Variants in TMEM131 observed in about 807,000 individuals in gnomAD.
The protein encoded by TMEM131 is 2610524E03Rik.
TMEM131 carries 66 observed loss-of-function variants against 211.6 expected under a neutral mutation model. The observed-to-expected ratio is 0.31, with a 90% CI of 0.26 to 0.38. The LOEUF is 0.38. Ranked by LOEUF, TMEM131 falls within the 10% of genes least tolerant of loss-of-function variation. The pLI, the probability that TMEM131 is intolerant of heterozygous loss-of-function variation, is 1.00. For missense variants in TMEM131, 2,036 were observed against 2,299.3 expected, an observed-to-expected ratio of 0.89 and a Z score of 2.34; for synonymous variants, 844 against 841.3, an observed-to-expected ratio of 1.00 and a Z score of -0.06.
chr2:97,823,994 G>C (rs2105018882), intron 11 of TMEM131, among the ~76,000 whole-genome samples: 1 of 152,278 alleles, frequency 6.6e-6, no homozygotes, highest in Non-Finnish European at 1.5e-5. Flanking sequence ...GGCCCAAAAG[G>C]AAAAGCGAGA....
At chr2:97,798,145 T>G (rs1230031415) in intron 25 of TMEM131, among the ~76,000 whole-genome samples, 1 of 152,270 alleles carries the variant, frequency 6.6e-6, no homozygotes, top group East Asian at 1.9e-4. Flanking sequence ...AAACACCCAA[T>G]GATTTAAAGT....
chr2:97,966,621 G>C (rs1239407472), intron 1 of TMEM131, among the ~76,000 whole-genome samples: 1 of 152,068 alleles, frequency 6.6e-6, no homozygotes, highest in Non-Finnish European at 1.5e-5. Flanking sequence ...ACTGAAAATA[G>C]CTTCAAGTTG....
intron 4 of TMEM131, among the ~76,000 whole-genome samples, chr2:97,873,736 C>T (rs1573491196): frequency 1.3e-5 from 2 of 152,248 alleles, no homozygotes; most frequent in Admixed American, 1.3e-4. Context: ...ACATCAAAGA[C>T]CAAAGGTAGA....
chr2:97,809,772 G>A lies in TMEM131; in HGVS notation c.1971C>T (p.Ile657=), dbSNP rs370324137. ...GAIQITTDYE[I]LTIPVKAVIA... ...TCACAGCCTTCACAGGGATTGTCAG[G>A]ATCTGTGAAGTCAAGAAGATGATGA... is the stretch of plus-strand genomic sequence containing the variant. Residue 657 remains isoleucine (I), a splice_region_variant and synonymous_variant, in exon 19 of 41, where the codon ATC becomes ATT. Transcript: ENST00000186436. The A allele has an allele frequency of 3.1e-5, 50 of 1,597,988 alleles. No homozygotes were observed. The African/African-American group carries it at 5.8e-4, about 18-fold the overall frequency.
In TMEM131 at chr2:97,832,242, G is replaced by C. The variant is rs148006714; in HGVS notation, c.1074+1123C>G. Among the ~76,000 whole-genome samples the C allele has an allele frequency of 1.9e-4, 29 of 152,250 alleles. 1 individual carries two copies. The highest frequency in any genetic ancestry group is 1.7e-3 in the East Asian group (9 of 5,188). Reference sequence around the variant, plus strand: ...CATGTCATAAGTGACCTGAGTACTAGTTCTTCATTCACATTCTTAGGGTTA... The same window carrying C: ...CATGTCATAAGTGACCTGAGTACTACTTCTTCATTCACATTCTTAGGGTTA... On this transcript the variant is annotated intron_variant, in intron 11 of 40. Coordinates refer to ENST00000186436, the MANE Select transcript of TMEM131 (RefSeq NM_015348.2).
At chr2:97,885,154 G>A (rs1016932504) in intron 4 of TMEM131, among the ~76,000 whole-genome samples, 1 of 152,128 alleles carries the variant, frequency 6.6e-6, no homozygotes, top group Non-Finnish European at 1.5e-5. Context: ...TTTCTTGTAA[G>A]GCCAGTCTAG....
intron 5 of TMEM131, among the ~76,000 whole-genome samples, chr2:97,854,486 A>T (rs1673759940): frequency 1.3e-5 from 2 of 152,150 alleles, no homozygotes; most frequent in Admixed American, 6.5e-5. Context: ...GGTCAGAGTA[A>T]TCATCTAATC....
intron 35 of TMEM131, chr2:97,762,660 G>A (rs1678916419): frequency 6.1e-6 from 1 of 162,958 alleles, no homozygotes; most frequent in Admixed American, 5.8e-5. Context: ...TCCCTATTAA[G>A]CTCCTAGTAT....
At chr2:97,855,130 A>C (rs1673784498) in intron 5 of TMEM131, among the ~76,000 whole-genome samples, 1 of 152,214 alleles carries the variant, frequency 6.6e-6, no homozygotes, top group Non-Finnish European at 1.5e-5. Flanking sequence ...CACTTCATAA[A>C]TATTTGTTAA....
At chr2:97,836,725 T>G (rs1030389938) in intron 8 of TMEM131, among the ~76,000 whole-genome samples, 1 of 152,194 alleles carries the variant, frequency 6.6e-6, no homozygotes, top group Non-Finnish European at 1.5e-5. Context: ...GAATGCTTCC[T>G]ACATTTTTTT....
At chr2:97,766,714 G>T (rs1394171530) in intron 33 of TMEM131, 112 bp from the exon 34 acceptor site, 2 of 1,278,742 alleles carry the variant, frequency 1.6e-6, no homozygotes, top group African/African-American at 3.0e-5. Flanking sequence ...AAGCTAATGT[G>T]GCTTCCTGGG....
At chr2:97,896,201 C>T (rs1675604515) in intron 3 of TMEM131, among the ~76,000 whole-genome samples, 3 of 152,112 alleles carry the variant, frequency 2.0e-5, no homozygotes, top group Admixed American at 1.3e-4. Flanking sequence ...ATCCTGAGTT[C>T]GAATTTGATT....
chr2:97,954,033 T>C (rs1320484929), intron 1 of TMEM131, among the ~76,000 whole-genome samples: 1 of 152,222 alleles, frequency 6.6e-6, no homozygotes, highest in East Asian at 1.9e-4. Context: ...GAAACACTTA[T>C]GTCACAGTGA....
At chr2:97,873,062 G>A (rs1289539843) in intron 4 of TMEM131, among the ~76,000 whole-genome samples, 1 of 152,222 alleles carries the variant, frequency 6.6e-6, no homozygotes, top group Non-Finnish European at 1.5e-5. Flanking sequence ...TTGGTGGGGG[G>A]AGGGGCGTCC....
chr2:97,858,642 A>ACGC (rs1673939719), intron 5 of TMEM131, among the ~76,000 whole-genome samples: 1 of 152,138 alleles, frequency 6.6e-6, no homozygotes, highest in Non-Finnish European at 1.5e-5. Context: ...GCAGAAGAGG[A>ACGC]CACCAGAGAG....
intron 21 of TMEM131, 51 bp downstream of exon 21, chr2:97,805,323 AAG>A: frequency 6.3e-7 from 1 of 1,591,296 alleles, no homozygotes; most frequent in South Asian, 1.1e-5. Context: ...CTCTTACTAA[AAG>A]AGTATTTTGG....
At chr2:97,805,510 A>T in intron 20 of TMEM131, 41 bp downstream of exon 20, 1 of 1,611,544 alleles carries the variant, frequency 6.2e-7, no homozygotes, top group Non-Finnish European at 8.5e-7. Flanking sequence ...ATAAAACAAA[A>T]TGTTAACCAA....
At chr2:97,994,408 AG>A (rs1680398716) in intron 1 of TMEM131, among the ~76,000 whole-genome samples, 1 of 152,254 alleles carries the variant, frequency 6.6e-6, no homozygotes, top group Middle Eastern at 3.2e-3. Flanking sequence ...TAAAAGAAAC[AG>A]TATACTGAAG....
chr2:97,817,456 T>C (rs1681884323), intron 12 of TMEM131, among the ~76,000 whole-genome samples: 1 of 152,178 alleles, frequency 6.6e-6, no homozygotes, highest in South Asian at 2.1e-4. Flanking sequence ...CCTCCTCCTC[T>C]GTAAGGGAAG....
Sources: allele counts gnomAD v4.1 joint callset (sites outside exome capture counted in the v4.1 genomes callset), GRCh38; gene constraint gnomAD v4.1.1; transcripts MANE v1.5; gene names NCBI Gene and HGNC (gene_info 2026-07-23, HGNC 2026-07-21).